Variants in NFKB1 observed in about 807,000 individuals in gnomAD.
The protein encoded by NFKB1 is nuclear factor NF-kappa-B p105 subunit.
NFKB1 carries 9 observed loss-of-function variants against 105.1 expected under a neutral mutation model. The observed-to-expected ratio is 0.09, with a 90% CI of 0.05 to 0.15. NFKB1 has a LOEUF of 0.15. Among genes scored for constraint, NFKB1 ranks in the 10% least tolerant of loss-of-function variants. NFKB1 has a pLI of 1.00. For synonymous variants in NFKB1, 440 were observed against 442.2 expected (o/e 1.00, Z 0.06); for missense variants, 830 against 1,203.7 (o/e 0.69, Z 4.59).
chr4:102,524,480 T>C (rs1385629112), intron 1 of NFKB1, among the ~76,000 whole-genome samples: 1 of 152,198 alleles, frequency 6.6e-6, no homozygotes, highest in Non-Finnish European at 1.5e-5. Flanking sequence ...CCAACCTTTT[T>C]GGCATCAGGG....
chr4:102,591,095 A>ACAC (rs760628381), intron 11 of NFKB1, among the ~76,000 whole-genome samples: 4 of 152,222 alleles, frequency 2.6e-5, no homozygotes, highest in African/African-American at 4.8e-5. Flanking sequence ...CGATAACGTA[A>ACAC]AAGTGCAAGG....
At chr4:102,548,246 G>A (rs1025770500) in intron 5 of NFKB1, among the ~76,000 whole-genome samples, 1 of 152,072 alleles carries the variant, frequency 6.6e-6, no homozygotes, top group Non-Finnish European at 1.5e-5. Context: ...AAGCAAGCAG[G>A]TATGAGTTCC....
At chr4:102,577,295 T>C (rs927891718) in intron 7 of NFKB1, among the ~76,000 whole-genome samples, 2 of 152,132 alleles carry the variant, frequency 1.3e-5, no homozygotes, top group Non-Finnish European at 2.9e-5. Context: ...TGCATCCTCC[T>C]CTTGCCATCT....
chr4:102,582,599 A>G (rs1180897392), intron 9 of NFKB1, among the ~76,000 whole-genome samples: 4 of 152,182 alleles, frequency 2.6e-5, no homozygotes, highest in Non-Finnish European at 4.4e-5. Flanking sequence ...GAGAAGCAGT[A>G]AGGTCAAAGA....
At chr4:102,510,910 AG>A (rs1418517799) in intron 1 of NFKB1, 1 of 1,283,084 alleles carries the variant, frequency 7.8e-7, no homozygotes, top group East Asian at 5.6e-5. Context: ...TCAAGAAAAA[AG>A]ACAGAAGCAT....
At chr4:102,555,195 C>A (rs1722896012) in intron 5 of NFKB1, among the ~76,000 whole-genome samples, 1 of 152,196 alleles carries the variant, frequency 6.6e-6, no homozygotes, top group Admixed American at 6.5e-5. Flanking sequence ...AGGACAGTAA[C>A]CATTCAACAG....
At chr4:102,510,228 T>A (rs564803393) in intron 1 of NFKB1, among the ~76,000 whole-genome samples, 1 of 152,336 alleles carries the variant, frequency 6.6e-6, no homozygotes, top group Admixed American at 6.5e-5. Flanking sequence ...TCTCCTGAAT[T>A]CCTGTGGGTC....
chr4:102,543,547 G>A (rs1025977015), intron 5 of NFKB1, among the ~76,000 whole-genome samples: 9 of 151,168 alleles, frequency 6.0e-5, no homozygotes, highest in East Asian at 2.0e-4. Flanking sequence ...AGTGGAAGAC[G>A]TGTTGAAATG....
At chr4:102,522,091 G>C (rs1036431543) in intron 1 of NFKB1, among the ~76,000 whole-genome samples, 4 of 152,216 alleles carry the variant, frequency 2.6e-5, no homozygotes, top group Non-Finnish European at 5.9e-5. Context: ...AAAGTGAGGG[G>C]AAGGGCTGGG....
In NFKB1 at chr4:102,567,046, T is replaced by C; in HGVS notation, c.318T>C (p.Asn106=). The C allele has an allele frequency of 6.2e-7, 1 of 1,613,886 alleles. No homozygotes were observed. Residue 106 remains asparagine, a synonymous_variant, in exon 6 of 24, where the codon AAT becomes AAC. Transcript: ENST00000226574. The stretch of plus-strand genomic sequence containing the variant: ...TTCAGTTGGTCACAAATGGAAAAAA[T>C]ATCCACCTGCATGCCCACAGCCTGG... The part of the protein sequence containing the change: ...VIVQLVTNGK[N]IHLHAHSLVG...
At chr4:102,568,198 C>A (rs1724030856) in intron 6 of NFKB1, among the ~76,000 whole-genome samples, 1 of 151,500 alleles carries the variant, frequency 6.6e-6, no homozygotes, top group Non-Finnish European at 1.5e-5. Flanking sequence ...CTAGGTATTT[C>A]TTTGTTTGAC....
chr4:102,513,725 T>G lies in NFKB1; in HGVS notation c.-7-11787T>G, dbSNP rs544465386. Among the ~76,000 whole-genome samples the G allele has an allele frequency of 7.2e-5, 11 of 152,336 alleles. No individual in the cohort carries two copies. The East Asian group carries it at 1.7e-3, about 24-fold the overall frequency. ...TAATTATATACATTTCAGGATTTTT[T>G]GGGGATATTTTTCTATCACTGGTTT... On this transcript the variant is annotated intron_variant, in intron 1 of 23. Transcript: ENST00000226574.
intron 11 of NFKB1, among the ~76,000 whole-genome samples, chr4:102,589,752 G>T (rs1488615383): frequency 6.7e-6 from 1 of 150,254 alleles, no homozygotes; most frequent in East Asian, 1.9e-4. Context: ...TCAAAAAAAA[G>T]AATACCTCAT....
At chr4:102,502,918 A>G (rs1739183916) in intron 1 of NFKB1, among the ~76,000 whole-genome samples, 1 of 152,200 alleles carries the variant, frequency 6.6e-6, no homozygotes, top group African/African-American at 2.4e-5. Flanking sequence ...GTAAATAGTA[A>G]AGGTTAGGGT....
At chr4:102,502,390 G>GCGCGCGCACACACACACACACA (rs1311577382) in intron 1 of NFKB1, among the ~76,000 whole-genome samples, 1 of 105,396 alleles carries the variant, frequency 9.5e-6, no homozygotes. Flanking sequence ...GCGCGCGCGC[G>GCGCGCGCACACACACACACACA]CACACACACA....
chr4:102,592,091 G>A (rs1285044103), intron 11 of NFKB1, among the ~76,000 whole-genome samples: 1 of 152,230 alleles, frequency 6.6e-6, no homozygotes, highest in East Asian at 1.9e-4. Flanking sequence ...GCCTGAAGAT[G>A]AGACTGAACT....
chr4:102,589,131 C>T (rs1725963916), intron 11 of NFKB1, among the ~76,000 whole-genome samples: 1 of 152,048 alleles, frequency 6.6e-6, no homozygotes, highest in African/African-American at 2.4e-5. Context: ...AATATTTTGC[C>T]CTTAAAATTC....
intron 1 of NFKB1, among the ~76,000 whole-genome samples, chr4:102,505,257 T>G (rs1369637691): frequency 1.3e-5 from 2 of 152,230 alleles, no homozygotes; most frequent in Non-Finnish European, 2.9e-5. Context: ...TCACATAAGA[T>G]GTGATTTGTT....
At chr4:102,548,889 C>T (rs1186422850) in intron 5 of NFKB1, among the ~76,000 whole-genome samples, 1 of 152,056 alleles carries the variant, frequency 6.6e-6, no homozygotes, top group Non-Finnish European at 1.5e-5. Flanking sequence ...CCTATGTGAC[C>T]TCATCTTAAC....
Sources: gnomAD v4.1 joint callset for allele counts (sites outside exome capture counted in the v4.1 genomes callset) on GRCh38, gnomAD v4.1.1 for gene constraint, MANE v1.5 for transcripts, NCBI Gene and HGNC (gene_info 2026-07-23, HGNC 2026-07-21) for gene names.